The following HIVEP2 variants were observed in gnomAD, a reference collection of about 807,000 sequenced individuals.
HIVEP2 encodes the protein HIVEP zinc finger 2.
A neutral mutation model predicts 180.7 loss-of-function variants in HIVEP2; 14 were observed. That is an observed-to-expected ratio of 0.08 (90% CI 0.05 to 0.12). The LOEUF is 0.12. HIVEP2 is among the 10% of genes least tolerant of loss of function. The pLI is 1.00. For synonymous variants in HIVEP2, 1,184 were observed against 1,136.4 expected (o/e 1.04, Z -0.84); for missense variants, 2,579 against 3,008.5 (o/e 0.86, Z 3.34).
Position 142,760,463 on chromosome 6 carries a change from C to G in HIVEP2, c.5825G>C (p.Arg1942Thr). ...AACATTCACAGGCAAGGAGGAGAATCTAGGAGGCTGAGGACTGGTGCTTCT... is the reference window on the plus strand; with the variant it reads ...AACATTCACAGGCAAGGAGGAGAATGTAGGAGGCTGAGGACTGGTGCTTCT... ...RSRSTSPQPP[R>T]FSSLPVNVGA... Residue 1942 changes from arginine (R) to threonine (T), a missense_variant, in exon 9 of 10, where the codon AGA becomes ACA. This residue lies in a region of HIVEP2 where 660 missense variants were observed against 731.7 expected (regional missense o/e 0.90). Coordinates refer to ENST00000367603, the MANE Select transcript of HIVEP2 (RefSeq NM_006734.4). The G allele has an allele frequency of 6.2e-7, 1 of 1,614,142 alleles. No homozygotes were observed. Among genetic ancestry groups the G allele is most frequent in the Non-Finnish European group, 8.5e-7 (1 of 1,180,012 alleles).
Position 142,770,439 on chromosome 6 carries a change from T to C in HIVEP2, c.4300A>G (p.Thr1434Ala). 6.2e-7 allele frequency: 1 copy of C among 1,614,106 alleles called. No homozygotes were observed. The change falls in exon 5 of 10, where the codon ACC becomes GCC. Residue 1434 changes from threonine to alanine, a missense_variant. By Grantham distance (58) the Thr-to-Ala change is moderately conservative. Coordinates refer to ENST00000367603, the MANE Select transcript of HIVEP2 (RefSeq NM_006734.4). The surrounding 1 kb of genome is among the most constrained non-coding windows in gnomAD (Gnocchi z 4.7). ...AGCATTCGCTTGCTACCTCCCAGGG[T>C]GGCCACGCTGTCAGAGGTGGAAGGT... is the stretch of plus-strand genomic sequence containing the variant. Reference protein sequence around the residue: ...CLPSTSDSVATLGGSKRMLSP... With the variant: ...CLPSTSDSVAALGGSKRMLSP...
intron 1 of HIVEP2, among the ~76,000 whole-genome samples, chr6:142,916,451 G>A (rs1445428745): frequency 6.6e-6 from 1 of 152,070 alleles, no homozygotes; most frequent in Non-Finnish European, 1.5e-5. Context: ...GTTCCTTTAC[G>A]CCTTTGATTA....
rs748838551 is a variant in HIVEP2, at chr6:142,773,754, T to A, written c.985A>T (p.Ile329Phe). 1.2e-6 allele frequency: 2 copies of A among 1,614,044 alleles called. No individual in the cohort carries two copies. Among genetic ancestry groups the A allele is most frequent in the Non-Finnish European group, 1.7e-6 (2 of 1,180,030 alleles). The change falls in exon 5 of 10, where the codon ATT becomes TTT. Residue 329 changes from isoleucine to phenylalanine, a missense_variant. Ile to Phe is a conservative substitution (Grantham distance 21). Coordinates refer to ENST00000367603, the MANE Select transcript of HIVEP2 (RefSeq NM_006734.4). The part of the protein sequence containing the change: ...LGGPMKVPIL[I>F]IPKSGIPLPN... ...AGAGGAATCCCACTTTTAGGGATAA[T>A]CAAAATCGGCACCTTCATTGGACCT... is the stretch of plus-strand genomic sequence containing the variant.
At chr6:142,829,440 C>A (rs1349534343) in intron 2 of HIVEP2, among the ~76,000 whole-genome samples, 5 of 152,154 alleles carry the variant, frequency 3.3e-5, no homozygotes, top group Non-Finnish European at 7.4e-5. Flanking sequence ...AGCCCTCTAC[C>A]CAAGCAAACC....
At position 142,753,950 on chromosome 6, in the gene HIVEP2, A is replaced by T; in HGVS notation, c.6517-19T>A. On this transcript the variant is annotated intron_variant, in intron 9 of 9. Transcript: ENST00000367603. ...TTAAATTCTGCGCAGAGAAACAAAG[A>T]GAGCACAAAATTCAGAGCCTGCTAC... The T allele has an allele frequency of 1.4e-6, 2 of 1,383,814 alleles. No homozygotes were observed. Among genetic ancestry groups the T allele is most frequent in the Non-Finnish European group, 2.0e-6 (2 of 998,860 alleles). The allele number at this position is 1,383,814 out of a possible 1,614,324, so 85.7% of individuals were successfully genotyped here. A position where few individuals can be genotyped will look rare whatever the true frequency, so the allele number is the denominator to read the frequency against.
chr6:142,764,589 C>T (rs1473909147), intron 7 of HIVEP2, among the ~76,000 whole-genome samples: 1 of 152,198 alleles, frequency 6.6e-6, no homozygotes, highest in African/African-American at 2.4e-5. Flanking sequence ...GGACCTATGT[C>T]TACTGCTCTT....
At chr6:142,857,917 A>C (rs533572581) in intron 1 of HIVEP2, among the ~76,000 whole-genome samples, 1 of 152,188 alleles carries the variant, frequency 6.6e-6, no homozygotes, top group South Asian at 2.1e-4. Context: ...GGGTCTGGGA[A>C]CTTATCTATG....
At chr6:142,769,001 T>G (rs1775449109) in intron 5 of HIVEP2, among the ~76,000 whole-genome samples, 1 of 148,958 alleles carries the variant, frequency 6.7e-6, no homozygotes, top group Non-Finnish European at 1.5e-5. Flanking sequence ...CTTAATATTT[T>G]TATAATTTTA....
chr6:142,843,066 C>T (rs980127062), intron 1 of HIVEP2, among the ~76,000 whole-genome samples: 1 of 152,144 alleles, frequency 6.6e-6, no homozygotes, highest in Non-Finnish European at 1.5e-5. Flanking sequence ...CTACCCTTTC[C>T]CAAGAGAGGG....
intron 1 of HIVEP2, among the ~76,000 whole-genome samples, chr6:142,850,943 C>T (rs551580135): frequency 1.3e-5 from 2 of 152,284 alleles, no homozygotes; most frequent in Non-Finnish European, 2.9e-5. Flanking sequence ...GTTAGTTTTA[C>T]AGTCTGGTGG....
At chr6:142,880,159 C>T (rs1413342582) in intron 1 of HIVEP2, among the ~76,000 whole-genome samples, 1 of 152,062 alleles carries the variant, frequency 6.6e-6, no homozygotes, top group Admixed American at 6.6e-5. Context: ...GGAATATTTC[C>T]CAGGATTCTA....
chr6:142,773,944 A>G lies in HIVEP2; in HGVS notation c.795T>C (p.Ile265=). ...CTGAATGTATTTCTGCTTCTACATC[A>G]ATAAAACCAGCCTCTAGGTCCAATT... ...VSKLDLEAGF[I]DVEAEIHSDG... Residue 265 remains isoleucine, a synonymous_variant, in exon 5 of 10, where the codon ATT becomes ATC. Coordinates refer to ENST00000367603, the MANE Select transcript of HIVEP2 (RefSeq NM_006734.4). 1 of 1,614,128 alleles carries G rather than the reference A, an allele frequency of 6.2e-7. No homozygotes were observed. Among genetic ancestry groups the G allele is most frequent in the Non-Finnish European group, 8.5e-7 (1 of 1,180,032 alleles).
chr6:142,803,958 C>A (rs189074312), intron 2 of HIVEP2, among the ~76,000 whole-genome samples: 1 of 152,298 alleles, frequency 6.6e-6, no homozygotes, highest in Admixed American at 6.5e-5. Context: ...AACTTCTAAG[C>A]TGAAAGAGCT....
rs748091568 is a variant in HIVEP2 at position 142,753,469 on chromosome 6, G to T, written c.6979C>A (p.Gln2327Lys). The change falls in exon 10 of 10, where the codon CAG becomes AAG. Residue 2327 changes from glutamine (Q) to lysine (K), a missense_variant. Physicochemically the swap from Gln to Lys is moderately conservative, Grantham distance 53. Transcript: ENST00000367603. ...GAGGCAATGGCTTTTGTACAAGTCT[G>T]TATATTTTCCTCCTGTTCCCGCTCT... is the stretch of plus-strand genomic sequence containing the variant. ...ATEREQEENI[Q>K]TCTKAIASLR... The T allele has an allele frequency of 3.9e-5, 63 of 1,613,918 alleles. No homozygotes were observed. The East Asian group carries it at 1.4e-3, about 35-fold the overall frequency.
chr6:142,937,068 C>G (rs1283987785), intron 1 of HIVEP2, among the ~76,000 whole-genome samples: 1 of 152,062 alleles, frequency 6.6e-6, no homozygotes, highest in East Asian at 1.9e-4. Context: ...AATTCAGGCC[C>G]CAAAAGCTAT....
At chr6:142,815,985 A>AT (rs1034728381) in intron 2 of HIVEP2, among the ~76,000 whole-genome samples, 5 of 151,682 alleles carry the variant, frequency 3.3e-5, no homozygotes, top group African/African-American at 9.7e-5. Flanking sequence ...AATAGAGAGG[A>AT]TTTTTTTTTA....
At chr6:142,896,151 T>G (rs1776985898) in intron 1 of HIVEP2, among the ~76,000 whole-genome samples, 1 of 152,226 alleles carries the variant, frequency 6.6e-6, no homozygotes, top group Non-Finnish European at 1.5e-5. Context: ...GATTACTATA[T>G]GTGGGTCTCT....
chr6:142,940,145 GATTA>G (rs971623535), intron 1 of HIVEP2, among the ~76,000 whole-genome samples: 74 of 152,306 alleles, frequency 4.9e-4, no homozygotes, highest in African/African-American at 1.7e-3. Context: ...GGGCTCCAAA[GATTA>G]ATTGGTTACT....
At chr6:142,775,457 T>C (rs959564282) in intron 4 of HIVEP2, among the ~76,000 whole-genome samples, 11 of 152,146 alleles carry the variant, frequency 7.2e-5, no homozygotes, top group African/African-American at 2.4e-4. Flanking sequence ...TAAAAAAAAA[T>C]AGAGCTATTC....
Sources: allele counts gnomAD v4.1 joint callset (sites outside exome capture counted in the v4.1 genomes callset), GRCh38; gene constraint gnomAD v4.1.1; regional missense constraint gnomAD v4.1.1; non-coding constraint Gnocchi (gnomAD v3.1); transcripts MANE v1.5; gene names NCBI Gene and HGNC (gene_info 2026-07-23, HGNC 2026-07-21).